The following SAMD4A variants were observed in gnomAD, a reference collection of about 807,000 sequenced individuals.
The protein encoded by SAMD4A is sterile alpha motif domain containing 4A.
A neutral mutation model predicts 81.3 loss-of-function variants in SAMD4A; 33 were observed. The observed-to-expected ratio is 0.41, with a 90% CI of 0.31 to 0.54. The LOEUF (loss-of-function observed/expected upper bound fraction) is 0.54, where lower values mean the gene tolerates loss of function less well. Among genes scored for constraint, SAMD4A ranks in the 20% least tolerant of loss-of-function variants. SAMD4A has a pLI of 0.37. For synonymous variants in SAMD4A, 389 were observed against 382.1 expected (o/e 1.02, Z -0.21); for missense variants, 854 against 951.1 (o/e 0.90, Z 1.34).
intron 7 of SAMD4A, among the ~76,000 whole-genome samples, chr14:54,763,234 G>T (rs1430521334): frequency 6.6e-6 from 1 of 151,472 alleles, no homozygotes; most frequent in Non-Finnish European, 1.5e-5. Flanking sequence ...AAATACTATA[G>T]CCGGACACGG....
intron 2 of SAMD4A, among the ~76,000 whole-genome samples, chr14:54,675,101 C>T (rs1235403523): frequency 7.2e-5 from 11 of 152,050 alleles, no homozygotes; most frequent in South Asian, 4.2e-4. Flanking sequence ...CATGGTGGCT[C>T]GCGCCTGTAA....
chr14:54,656,118 C>T lies in SAMD4A; in HGVS notation c.197-45944C>T, dbSNP rs148601127. 7.4e-4 allele frequency among the ~76,000 whole-genome samples: 112 copies of T among 152,204 alleles called. 2 individuals are homozygous for T. In the East Asian group the frequency reaches 0.015, roughly 20 times the overall value. On this transcript the variant is annotated intron_variant, in intron 2 of 12. Coordinates refer to ENST00000554335, the MANE Select transcript of SAMD4A (RefSeq NM_015589.6). ...TAGTTTTGTGGTGGACGTGGAAAAACGAACACAAATCAGACAGGCAGAATT... is the reference window on the plus strand; with the variant it reads ...TAGTTTTGTGGTGGACGTGGAAAAATGAACACAAATCAGACAGGCAGAATT...
chr14:54,655,237 A>T (rs1174208908), intron 2 of SAMD4A, among the ~76,000 whole-genome samples: 1 of 152,180 alleles, frequency 6.6e-6, no homozygotes, highest in Non-Finnish European at 1.5e-5. Flanking sequence ...CCTCCCAGTC[A>T]TATGTCCTTC....
chr14:54,698,292 T>C (rs1304844102), intron 2 of SAMD4A, among the ~76,000 whole-genome samples: 2 of 152,262 alleles, frequency 1.3e-5, no homozygotes, highest in African/African-American at 4.8e-5. Context: ...TTTGTATGCA[T>C]TTATATGTAA....
chr14:54,755,323 A>G (rs1023127186), intron 6 of SAMD4A, among the ~76,000 whole-genome samples: 1 of 152,182 alleles, frequency 6.6e-6, no homozygotes, highest in Non-Finnish European at 1.5e-5. Flanking sequence ...ACCCAAGTGG[A>G]AATGGCAAGT....
chr14:54,688,624 C>G (rs2036344325), intron 2 of SAMD4A, among the ~76,000 whole-genome samples: 1 of 152,092 alleles, frequency 6.6e-6, no homozygotes. Flanking sequence ...AGAGATCAGC[C>G]CTGTCTTAGA....
chr14:54,593,679 A>C (rs925713907), intron 2 of SAMD4A, among the ~76,000 whole-genome samples: 1 of 152,206 alleles, frequency 6.6e-6, no homozygotes. Context: ...TGGAATAGTC[A>C]CTAAGCTAAA....
At chr14:54,669,039 C>G (rs897619119) in intron 2 of SAMD4A, among the ~76,000 whole-genome samples, 1 of 152,372 alleles carries the variant, frequency 6.6e-6, no homozygotes, top group African/African-American at 2.4e-5. Context: ...GGCTACCATG[C>G]TTTATCTTCC....
chr14:54,636,043 T>C (rs1025728884), intron 2 of SAMD4A, among the ~76,000 whole-genome samples: 5 of 152,164 alleles, frequency 3.3e-5, no homozygotes, highest in African/African-American at 1.2e-4. Flanking sequence ...GGTAAGTAAA[T>C]CACAGAGTAT....
chr14:54,600,588 T>A (rs1440939746), intron 2 of SAMD4A, among the ~76,000 whole-genome samples: 2 of 152,220 alleles, frequency 1.3e-5, no homozygotes, highest in African/African-American at 4.8e-5. Flanking sequence ...TTTTCTTTGT[T>A]GTCCAGAACT....
intron 2 of SAMD4A, among the ~76,000 whole-genome samples, chr14:54,656,109 G>A (rs4898844): frequency 0.44 from 66,773 of 151,922 alleles, 15,340 homozygotes; most frequent in East Asian, 0.78. Flanking sequence ...TGTGGTGGAC[G>A]TGGAAAAACG....
rs117258319 is a variant in SAMD4A at position 54,763,153 on chromosome 14, C to A, written c.1511-1302C>A. On this transcript the variant is annotated intron_variant, in intron 7 of 12. Coordinates refer to ENST00000554335, the MANE Select transcript of SAMD4A (RefSeq NM_015589.6). ...TACAGGCATGAGCCACCGCGCCCAGCCGAATATTCACTTTTATACACACGC... is the reference window on the plus strand; with the variant it reads ...TACAGGCATGAGCCACCGCGCCCAGACGAATATTCACTTTTATACACACGC... Among the ~76,000 whole-genome samples, 549 of 151,896 alleles carry A rather than the reference C, an allele frequency of 3.6e-3. 11 individuals carry two copies. The East Asian group carries it at 0.066, about 18-fold the overall frequency.
chr14:54,768,033 G>A (rs1218844491), intron 8 of SAMD4A, among the ~76,000 whole-genome samples: 2 of 152,230 alleles, frequency 1.3e-5, no homozygotes, highest in Non-Finnish European at 2.9e-5. Flanking sequence ...CAGGGAAGAT[G>A]TCATGTCTGT....
intron 2 of SAMD4A, among the ~76,000 whole-genome samples, chr14:54,604,046 A>G (rs1230784528): frequency 6.6e-6 from 1 of 152,030 alleles, no homozygotes; most frequent in Non-Finnish European, 1.5e-5. Context: ...GATGGTCTTG[A>G]GCTCTTGACC....
intron 11 of SAMD4A, 141 bp downstream of exon 11, chr14:54,776,681 T>G (rs977556662): frequency 1.3e-5 from 14 of 1,073,924 alleles, no homozygotes; most frequent in Non-Finnish European, 1.7e-5. Context: ...TTTTTTAAAC[T>G]GTGCCTTGCC....
intron 9 of SAMD4A, among the ~76,000 whole-genome samples, chr14:54,772,451 A>C (rs978838010): frequency 6.6e-6 from 1 of 152,168 alleles, no homozygotes; most frequent in African/African-American, 2.4e-5. Flanking sequence ...AGGAGAGAGA[A>C]AGATGGCCTA....
intron 5 of SAMD4A, 68 bp from the exon 6 acceptor site, chr14:54,751,383 C>T (rs1212492299): frequency 2.8e-6 from 3 of 1,060,066 alleles, no homozygotes; most frequent in African/African-American, 1.6e-5. Flanking sequence ...CTCCAAGAAT[C>T]TGTAAGCTGA....
At chr14:54,622,393 C>G (rs1260897474) in intron 2 of SAMD4A, among the ~76,000 whole-genome samples, 3 of 152,162 alleles carry the variant, frequency 2.0e-5, no homozygotes, top group Non-Finnish European at 2.9e-5. Context: ...TGATGGGCCT[C>G]AGAGGCAGGC....
chr14:54,685,432 TTTCC>T lies in SAMD4A; in HGVS notation c.197-16623_197-16620del, dbSNP rs2036241147. On this transcript the variant is annotated intron_variant, in intron 2 of 12. Coordinates refer to ENST00000554335, the MANE Select transcript of SAMD4A (RefSeq NM_015589.6). ...ATCTATGTTATAGCATGCACTGGAA[TTTCC>T]TTCCTTGTTGAGGCTGAAGAGGATT... 2.0e-5 allele frequency among the ~76,000 whole-genome samples: 3 copies of T among 152,228 alleles called. No individual in the cohort carries two copies. The South Asian group carries it at 6.2e-4, about 32-fold the overall frequency.
Sources: allele counts gnomAD v4.1 joint callset (sites outside exome capture counted in the v4.1 genomes callset), GRCh38; gene constraint gnomAD v4.1.1; transcripts MANE v1.5; gene names NCBI Gene and HGNC (gene_info 2026-07-23, HGNC 2026-07-21).